The following SPECC1L variants were observed in gnomAD, a reference collection of about 807,000 sequenced individuals.
SPECC1L encodes the protein sperm antigen with calponin homology and coiled-coil domains 1 like, also known as cytospin-A.
A neutral mutation model predicts 116.8 loss-of-function variants in SPECC1L; 40 were observed. That is an observed-to-expected ratio of 0.34 (90% confidence interval 0.27 to 0.45). The LOEUF is 0.45. Ranked by LOEUF, SPECC1L falls within the 20% of genes least tolerant of loss-of-function variation. The pLI is 1.00. For synonymous variants in SPECC1L, 504 were observed against 500.6 expected, an observed-to-expected ratio of 1.01 and a Z score of -0.09; for missense variants, 1,110 against 1,373.6, an observed-to-expected ratio of 0.81 and a Z score of 3.03.
At chr22:24,393,770 A>G (rs1394604987) in intron 14 of SPECC1L, among the ~76,000 whole-genome samples, 2 of 152,188 alleles carry the variant, frequency 1.3e-5, no homozygotes, top group Admixed American at 1.3e-4. Context: ...TGTGAAAGCT[A>G]TCACCACATG....
In SPECC1L at chr22:24,416,568, C is replaced by T. The variant is rs1385139771; in HGVS notation, c.*1945C>T. 1 of 152,312 alleles carries T rather than the reference C, an allele frequency of 6.6e-6. No individual in the cohort carries two copies. Among genetic ancestry groups the T allele is most frequent in the Non-Finnish European group, 1.5e-5 (1 of 68,078 alleles). 9.4% of individuals were successfully genotyped at this position (152,312 alleles called of 1,614,324 possible). On this transcript the variant is annotated 3_prime_UTR_variant, in exon 17 of 17. Coordinates refer to ENST00000314328, the MANE Select transcript of SPECC1L (RefSeq NM_015330.6). ...CTCTCATTTGCCTTCACAGAGGCCA[C>T]TCCACCTGTCCGGATCCAGCTGTCT... is the stretch of plus-strand genomic sequence containing the variant.
intron 2 of SPECC1L, among the ~76,000 whole-genome samples, chr22:24,291,349 A>C (rs1037835665): frequency 1.3e-4 from 20 of 152,206 alleles, no homozygotes; most frequent in African/African-American, 4.6e-4. Flanking sequence ...ACAAGGTCAC[A>C]TAGATGGTGC....
chr22:24,312,888 T>C (rs2146440963), intron 3 of SPECC1L, among the ~76,000 whole-genome samples: 1 of 152,336 alleles, frequency 6.6e-6, no homozygotes, highest in South Asian at 2.1e-4. Context: ...TCAGAATAAA[T>C]TCTTTTAGAT....
intron 10 of SPECC1L, among the ~76,000 whole-genome samples, chr22:24,343,035 A>G (rs1035531381): frequency 6.6e-6 from 1 of 151,718 alleles, no homozygotes; most frequent in Non-Finnish European, 1.5e-5. Flanking sequence ...TCTACTAAAA[A>G]TACAAAAAAT....
chr22:24,350,703 TC>T (rs1219254376), intron 11 of SPECC1L, among the ~76,000 whole-genome samples: 1 of 152,170 alleles, frequency 6.6e-6, no homozygotes, highest in Non-Finnish European at 1.5e-5. Context: ...AACCAGGAAT[TC>T]AGGAACGTTT....
intron 11 of SPECC1L, among the ~76,000 whole-genome samples, chr22:24,348,070 T>A (rs2041338847): frequency 6.6e-6 from 1 of 152,118 alleles, no homozygotes; most frequent in African/African-American, 2.4e-5. Flanking sequence ...CGCTGCCTCT[T>A]CATGTGAGGT....
intron 14 of SPECC1L, among the ~76,000 whole-genome samples, chr22:24,373,863 C>T (rs1385552968): frequency 2.6e-5 from 4 of 151,922 alleles, no homozygotes; most frequent in Admixed American, 1.3e-4. Context: ...AGAAAATTTT[C>T]GCAATCTACT....
chr22:24,317,613 G>A (rs1221466396), intron 4 of SPECC1L, among the ~76,000 whole-genome samples: 1 of 147,614 alleles, frequency 6.8e-6, no homozygotes, highest in Non-Finnish European at 1.5e-5. Flanking sequence ...GCGGGGGGCT[G>A]ATCCCCCCAC....
At chr22:24,308,775 A>C (rs1436168205) in intron 3 of SPECC1L, among the ~76,000 whole-genome samples, 1 of 151,990 alleles carries the variant, frequency 6.6e-6, no homozygotes, top group African/African-American at 2.4e-5. Context: ...TTCCTTCTAC[A>C]TGTGTTAGTT....
chr22:24,325,455 A>G (rs1462502629), intron 6 of SPECC1L, among the ~76,000 whole-genome samples: 7 of 152,206 alleles, frequency 4.6e-5, no homozygotes, highest in Admixed American at 3.9e-4. Flanking sequence ...TAAAGTTTAA[A>G]TCAAATCCCT....
At chr22:24,375,428 AAG>A (rs1188280958) in intron 14 of SPECC1L, among the ~76,000 whole-genome samples, 2 of 152,224 alleles carry the variant, frequency 1.3e-5, no homozygotes, top group Admixed American at 1.3e-4. Context: ...CAGTATATTA[AAG>A]AGGATTATAC....
At chr22:24,324,068 C>T in intron 5 of SPECC1L, 152 bp from the exon 6 acceptor site, 1 of 662,798 alleles carries the variant, frequency 1.5e-6, no homozygotes, top group Admixed American at 2.7e-5. Context: ...AGTGCTTTTT[C>T]ATACTTTTTA....
intron 4 of SPECC1L, among the ~76,000 whole-genome samples, chr22:24,316,693 C>G (rs1271192491): frequency 6.7e-6 from 1 of 149,642 alleles, no homozygotes; most frequent in African/African-American, 2.5e-5. Context: ...TACACAGACA[C>G]GGCAACCATC....
At chr22:24,274,104 A>G (rs2048785299) in intron 1 of SPECC1L, among the ~76,000 whole-genome samples, 1 of 152,192 alleles carries the variant, frequency 6.6e-6, no homozygotes, top group South Asian at 2.1e-4. Flanking sequence ...CTAGGCAGGG[A>G]AATTCTTTCT....
chr22:24,315,349 A>ACTCAC (rs1330121167), intron 4 of SPECC1L, among the ~76,000 whole-genome samples: 8 of 152,272 alleles, frequency 5.3e-5, no homozygotes, highest in African/African-American at 1.7e-4. Context: ...TAGTCCTGTG[A>ACTCAC]GAACTAGTAT....
At chr22:24,399,753 CCTTTCTTGGG>C (rs1289802695) in intron 14 of SPECC1L, among the ~76,000 whole-genome samples, 3 of 152,122 alleles carry the variant, frequency 2.0e-5, no homozygotes, top group East Asian at 3.8e-4. Flanking sequence ...GGATGGCTTC[CCTTTCTTGGG>C]AATAGCCATT....
chr22:24,351,490 G>A (rs927361257), intron 11 of SPECC1L, among the ~76,000 whole-genome samples: 1 of 152,252 alleles, frequency 6.6e-6, no homozygotes, highest in South Asian at 2.1e-4. Flanking sequence ...CAGCGGCATG[G>A]GGGTACATGC....
intron 4 of SPECC1L, among the ~76,000 whole-genome samples, chr22:24,317,230 C>T (rs1471099413): frequency 6.2e-5 from 7 of 113,144 alleles, no homozygotes; most frequent in Non-Finnish European, 1.2e-4. Flanking sequence ...CGCCCCTCAC[C>T]TCCCGGATGG....
Position 24,347,071 on chromosome 22 carries a change from A to G in SPECC1L, c.2653-15A>G. 1.2e-6 allele frequency: 2 copies of G among 1,601,578 alleles called. No homozygotes were observed. The highest frequency in any genetic ancestry group is 1.7e-6 in the Non-Finnish European group (2 of 1,168,664). ...AGTCATTTTAACTTTGATGTTGTTT[A>G]TCTTATGATTTCAGAGACATTCCAT... On this transcript the variant is annotated splice_polypyrimidine_tract_variant and intron_variant, in intron 10 of 16. Transcript: ENST00000314328.
Sources: allele counts gnomAD v4.1 joint callset (sites outside exome capture counted in the v4.1 genomes callset), GRCh38; gene constraint gnomAD v4.1.1; transcripts MANE v1.5; gene names NCBI Gene and HGNC (gene_info 2026-07-23, HGNC 2026-07-21).